SOX6: variants seen among roughly 807,000 people sequenced by gnomAD.
The protein encoded by SOX6 is transcription factor SOX-6.
A neutral mutation model predicts 97.8 loss-of-function variants in SOX6; 11 were observed. The observed-to-expected ratio is 0.11, with a 90% CI of 0.07 to 0.19. The LOEUF (loss-of-function observed/expected upper bound fraction) is 0.19. Ranked by LOEUF, SOX6 falls within the 10% of genes least tolerant of loss-of-function variation. The pLI, the probability that SOX6 is intolerant of heterozygous loss-of-function variation, is 1.00. For synonymous variants in SOX6, 360 were observed against 371.4 expected (o/e 0.97, Z 0.35); for missense variants, 810 against 1,039.5 (o/e 0.78, Z 3.04).
At chr11:16,121,279 TG>T (rs890614061) in intron 6 of SOX6, among the ~76,000 whole-genome samples, 4 of 152,150 alleles carry the variant, frequency 2.6e-5, no homozygotes, top group African/African-American at 9.6e-5. Flanking sequence ...CTTACTTATT[TG>T]TCCCCTTATT....
At chr11:16,243,580 T>C (rs928963977) in intron 3 of SOX6, among the ~76,000 whole-genome samples, 3 of 151,890 alleles carry the variant, frequency 2.0e-5, no homozygotes, top group African/African-American at 4.8e-5. Context: ...TTAATAAGTT[T>C]TGACAAATTA....
intron 3 of SOX6, chr11:16,284,047 A>G: frequency 4.3e-6 from 1 of 233,420 alleles, no homozygotes; most frequent in Non-Finnish European, 8.5e-6. Context: ...ATTAATATTT[A>G]GCAAGAAAGA....
chr11:16,322,750 T>C (rs529011820), intron 2 of SOX6, among the ~76,000 whole-genome samples: 2 of 152,298 alleles, frequency 1.3e-5, no homozygotes, highest in African/African-American at 4.8e-5. Context: ...ACAACCCAAC[T>C]GATTCCGATG....
chr11:16,091,917 C>T (rs1210416528), intron 9 of SOX6, among the ~76,000 whole-genome samples: 1 of 152,128 alleles, frequency 6.6e-6, no homozygotes, highest in Middle Eastern at 3.4e-3. Context: ...GCTTAGTGAA[C>T]TTTAAATGCT....
At chr11:16,002,066 T>C (rs1182940088) in intron 13 of SOX6, among the ~76,000 whole-genome samples, 1 of 152,202 alleles carries the variant, frequency 6.6e-6, no homozygotes, top group Non-Finnish European at 1.5e-5. Context: ...TCACAAACTA[T>C]GTTTAGATTA....
chr11:16,238,516 T>A (rs957458051), intron 3 of SOX6, among the ~76,000 whole-genome samples: 1 of 152,130 alleles, frequency 6.6e-6, no homozygotes, highest in East Asian at 1.9e-4. Flanking sequence ...ATGTGAGATA[T>A]TGATTTCCTA....
At chr11:16,141,650 C>A (rs939958267) in intron 6 of SOX6, among the ~76,000 whole-genome samples, 1 of 152,174 alleles carries the variant, frequency 6.6e-6, no homozygotes, top group Admixed American at 6.5e-5. Flanking sequence ...CCTGGAAAAT[C>A]GGGTCACTCC....
intron 4 of SOX6, among the ~76,000 whole-genome samples, chr11:16,568,152 A>G (rs949960782): frequency 2.6e-5 from 4 of 152,192 alleles, no homozygotes; most frequent in African/African-American, 2.4e-5. Flanking sequence ...TTTCTTGTAT[A>G]GGCTTGGGTC....
chr11:16,569,868 C>CAAAAAAAAAAAAAAAAAAAAAAAAA lies in SOX6; in HGVS notation n.609+42212_609+42213insTTTTTTTTTTTTTTTTTTTTTTTTT, dbSNP rs34604334. 7.4e-4 allele frequency among the ~76,000 whole-genome samples: 63 copies of CAAAAAAAAAAAAAAAAAAAAAAAAA among 84,742 alleles called. 1 individual carries two copies. Among genetic ancestry groups the CAAAAAAAAAAAAAAAAAAAAAAAAA allele is most frequent in the Middle Eastern group, 6.8e-3 (1 of 148 alleles). 55.6% of individuals were successfully genotyped at this position (84,742 alleles called of 152,430 possible). A position where few individuals can be genotyped will look rare whatever the true frequency, so the allele number is the denominator to read the frequency against. Reference sequence around the variant, plus strand: ...TGGGTGACTGATCAAGACTCCGTCTCAAAAAAAAAAAAAAAAAGATATACT... The same window carrying CAAAAAAAAAAAAAAAAAAAAAAAAA: ...TGGGTGACTGATCAAGACTCCGTCTCAAAAAAAAAAAAAAAAAAAAAAAAAAAAAAAAAAAAAAAAAAGATATACT... On this transcript the variant is annotated intron_variant and non_coding_transcript_variant, in intron 4 of 5. Transcript: ENST00000524520.
intron 12 of SOX6, among the ~76,000 whole-genome samples, chr11:16,015,716 T>C (rs1854863862): frequency 6.6e-6 from 1 of 151,778 alleles, no homozygotes; most frequent in Non-Finnish European, 1.5e-5. Flanking sequence ...GGAGTAGGAG[T>C]CTGAAGCACC....
At chr11:16,730,134 C>A (rs1438571386) in intron 2 of SOX6, among the ~76,000 whole-genome samples, 1 of 151,942 alleles carries the variant, frequency 6.6e-6, no homozygotes. Flanking sequence ...TAGACTCCCA[C>A]ACAATAATAG....
intron 1 of SOX6, among the ~76,000 whole-genome samples, chr11:16,442,955 A>T (rs924845065): frequency 6.6e-6 from 1 of 152,138 alleles, no homozygotes; most frequent in Non-Finnish European, 1.5e-5. Flanking sequence ...CACCAAAATC[A>T]CAAGAATTTT....
At chr11:16,660,862 C>T (rs1302397689) in intron 3 of SOX6, among the ~76,000 whole-genome samples, 2 of 152,116 alleles carry the variant, frequency 1.3e-5, no homozygotes, top group Non-Finnish European at 2.9e-5. Flanking sequence ...TCTCTGTCCC[C>T]CAGAATTGCG....
chr11:16,348,420 C>A (rs1856825104), intron 1 of SOX6, among the ~76,000 whole-genome samples: 1 of 152,058 alleles, frequency 6.6e-6, no homozygotes, highest in South Asian at 2.1e-4. Flanking sequence ...AATATCAAAT[C>A]TAAATTTTTC....
intron 3 of SOX6, among the ~76,000 whole-genome samples, chr11:16,273,219 A>G (rs1854306150): frequency 6.6e-6 from 1 of 151,964 alleles, no homozygotes; most frequent in African/African-American, 2.4e-5. Context: ...GGAAAGAAAT[A>G]GAGATGATGT....
intron 4 of SOX6, among the ~76,000 whole-genome samples, chr11:16,568,328 G>A (rs1423434108): frequency 2.0e-5 from 3 of 152,122 alleles, no homozygotes; most frequent in Non-Finnish European, 4.4e-5. Context: ...TACACTAAGT[G>A]AAAAACAGCC....
chr11:16,713,376 AC>A (rs11358963), intron 3 of SOX6, among the ~76,000 whole-genome samples: 24,766 of 152,168 alleles, frequency 0.16, 2,658 homozygotes, highest in East Asian at 0.32. Flanking sequence ...CCTCTATTTT[AC>A]ATTACATAAA....
At chr11:16,273,605 C>T (rs780640809) in intron 3 of SOX6, among the ~76,000 whole-genome samples, 1 of 151,824 alleles carries the variant, frequency 6.6e-6, no homozygotes, top group Non-Finnish European at 1.5e-5. Flanking sequence ...TAATTTTCTC[C>T]ATCTTCTAAG....
At chr11:16,122,413 G>A (rs1849515057) in intron 6 of SOX6, among the ~76,000 whole-genome samples, 1 of 151,918 alleles carries the variant, frequency 6.6e-6, no homozygotes, top group South Asian at 2.1e-4. Flanking sequence ...AATACACAAT[G>A]ATCAAAGTGT....
Sources: allele counts gnomAD v4.1 joint callset (sites outside exome capture counted in the v4.1 genomes callset), GRCh38; gene constraint gnomAD v4.1.1; transcripts MANE v1.5; gene names NCBI Gene and HGNC (gene_info 2026-07-23, HGNC 2026-07-21).